ASTN2: variants seen among roughly 807,000 people sequenced by gnomAD.
ASTN2 encodes the protein astrotactin 2.
In ASTN2, 54 loss-of-function variants were observed where a neutral mutation model predicts 139.8. That is an observed-to-expected ratio of 0.39 (90% CI 0.31 to 0.48). The LOEUF is 0.48. Ranked by LOEUF, ASTN2 falls within the 20% of genes least tolerant of loss-of-function variation. The pLI is 0.95. For missense variants in ASTN2, 1,565 were observed against 1,725.1 expected, an observed-to-expected ratio of 0.91 and a Z score of 1.64; for synonymous variants, 756 against 719.5, an observed-to-expected ratio of 1.05 and a Z score of -0.81.
At chr9:116,941,989 TA>T (rs34288493) in intron 10 of ASTN2, among the ~76,000 whole-genome samples, 33,818 of 135,932 alleles carry the variant, frequency 0.25, 4,060 homozygotes, top group African/African-American at 0.32. Flanking sequence ...CTAGATAAGC[TA>T]AAAAAAAAAA....
intron 19 of ASTN2, among the ~76,000 whole-genome samples, chr9:116,604,507 C>G (rs1002617566): frequency 2.6e-5 from 4 of 152,182 alleles, no homozygotes; most frequent in Non-Finnish European, 5.9e-5. Context: ...ATGACATCAC[C>G]TCTCTCAGGC....
At chr9:117,053,347 G>C (rs1838967949) in intron 5 of ASTN2, among the ~76,000 whole-genome samples, 1 of 152,176 alleles carries the variant, frequency 6.6e-6, no homozygotes, top group Admixed American at 6.5e-5. Context: ...AGGTACTCAA[G>C]AGGCTGAGGT....
rs531368279 is a variant in ASTN2, at chr9:116,553,196, C to A, written c.3355+65128G>T. ...AGATTCTGTGGACCTGCAGACGTGC[C>A]AGGGAAGAAGCCAGAAAGTCTACCT... On this transcript the variant is annotated intron_variant, in intron 19 of 22. Transcript: ENST00000313400. Among the ~76,000 whole-genome samples the A allele has an allele frequency of 2.2e-4, 33 of 152,050 alleles. No homozygotes were observed. The South Asian group carries it at 6.7e-3, about 31-fold the overall frequency.
intron 17 of ASTN2, among the ~76,000 whole-genome samples, chr9:116,643,858 C>A (rs559470378): frequency 2.0e-5 from 3 of 152,220 alleles, no homozygotes; most frequent in African/African-American, 7.2e-5. Context: ...ATGTCTATTG[C>A]ACTATTCAAA....
intron 6 of ASTN2, among the ~76,000 whole-genome samples, chr9:117,037,010 T>C (rs1838402122): frequency 6.6e-6 from 1 of 152,178 alleles, no homozygotes; most frequent in Non-Finnish European, 1.5e-5. Flanking sequence ...CTTAGAGATC[T>C]ACCAGAAGGA....
intron 4 of ASTN2, among the ~76,000 whole-genome samples, chr9:117,122,943 CA>C (rs1829595261): frequency 6.6e-6 from 1 of 152,052 alleles, no homozygotes; most frequent in East Asian, 1.9e-4. Flanking sequence ...AGAATAGCAC[CA>C]ACACACACAG....
chr9:116,902,451 A>G (rs375470953), intron 10 of ASTN2, among the ~76,000 whole-genome samples: 85 of 152,342 alleles, frequency 5.6e-4, no homozygotes, highest in Middle Eastern at 6.8e-3. Context: ...AGTAAAAAAT[A>G]TACCATATTT....
intron 12 of ASTN2, among the ~76,000 whole-genome samples, chr9:116,816,920 T>TAAAC (rs953197430): frequency 1.1e-4 from 16 of 151,798 alleles, no homozygotes; most frequent in African/African-American, 3.9e-4. Flanking sequence ...AATAAATAAA[T>TAAAC]AGACGAGGGA....
intron 20 of ASTN2, among the ~76,000 whole-genome samples, chr9:116,462,554 A>G (rs1848519529): frequency 6.6e-6 from 1 of 152,192 alleles, no homozygotes; most frequent in Non-Finnish European, 1.5e-5. Flanking sequence ...CACCAGGATT[A>G]TACTGTGGAA....
intron 4 of ASTN2, among the ~76,000 whole-genome samples, chr9:117,139,097 G>A (rs1830015916): frequency 6.6e-6 from 1 of 152,190 alleles, no homozygotes; most frequent in Non-Finnish European, 1.5e-5. Context: ...TATGGAATAT[G>A]TATGTGTGGA....
In ASTN2 at chr9:117,057,081, T is replaced by A. The variant is rs547608839; in HGVS notation, c.1277-17116A>T. Among the ~76,000 whole-genome samples, 11 of 152,338 alleles carry A rather than the reference T, an allele frequency of 7.2e-5. No homozygotes were observed. The East Asian group carries it at 2.1e-3, about 29-fold the overall frequency. On this transcript the variant is annotated intron_variant, in intron 5 of 22. Coordinates refer to ENST00000313400, the MANE Select transcript of ASTN2 (RefSeq NM_001365068.1). ...CTTTTTGTTGGAACAGTTACTTAAT[T>A]TCTTTATGCATGTAAAGCCTTTTAG...
Position 116,802,758 on chromosome 9 carries a change from T to C in ASTN2, c.2396+2874A>G, listed in dbSNP as rs572349059. ...CCATTTTAAAGATGAAGCAGTAGAA[T>C]TATGCTTCTCATGGGTGGGGCTGGG... is the stretch of plus-strand genomic sequence containing the variant. On this transcript the variant is annotated intron_variant, in intron 13 of 22. Transcript: ENST00000313400. Among the ~76,000 whole-genome samples the C allele has an allele frequency of 1.7e-3, 254 of 152,344 alleles. 10 individuals carry two copies. The South Asian group carries it at 0.048, about 29-fold the overall frequency.
At chr9:116,481,453 T>TA (rs778675294) in intron 20 of ASTN2, among the ~76,000 whole-genome samples, 4 of 152,152 alleles carry the variant, frequency 2.6e-5, no homozygotes, top group Non-Finnish European at 5.9e-5. Context: ...ACACAGTGGG[T>TA]AAAAACCCAC....
chr9:116,500,622 T>C (rs1318478504), intron 19 of ASTN2, among the ~76,000 whole-genome samples: 2 of 152,236 alleles, frequency 1.3e-5, no homozygotes, highest in Non-Finnish European at 2.9e-5. Flanking sequence ...ACAGACAATA[T>C]TGTGCTCAGC....
intron 2 of ASTN2, among the ~76,000 whole-genome samples, chr9:117,254,120 T>A (rs1449117734): frequency 6.6e-6 from 1 of 152,136 alleles, no homozygotes; most frequent in Non-Finnish European, 1.5e-5. Flanking sequence ...ACTCCAACTA[T>A]GCGAGCCTCA....
At chr9:116,726,453 C>T (rs1828626811) in intron 15 of ASTN2, among the ~76,000 whole-genome samples, 2 of 152,196 alleles carry the variant, frequency 1.3e-5, no homozygotes, top group South Asian at 4.1e-4. Context: ...CTCAAACCCA[C>T]TTATGTTCTC....
chr9:116,544,368 A>G (rs1007247987), intron 19 of ASTN2, among the ~76,000 whole-genome samples: 9 of 152,152 alleles, frequency 5.9e-5, no homozygotes, highest in Non-Finnish European at 1.2e-4. Context: ...ACCTCACCAA[A>G]AAAAGATGTT....
chr9:117,220,444 T>C (rs1832477244), intron 2 of ASTN2, among the ~76,000 whole-genome samples: 1 of 152,152 alleles, frequency 6.6e-6, no homozygotes, highest in Non-Finnish European at 1.5e-5. Context: ...TCTCAGAAGG[T>C]GACTTCAGTT....
At chr9:116,697,482 T>G in intron 16 of ASTN2, 1 of 479,034 alleles carries the variant, frequency 2.1e-6, no homozygotes, top group Non-Finnish European at 3.8e-6. Flanking sequence ...CTATGCAGTG[T>G]TTTGTCTGGT....
Sources: allele counts gnomAD v4.1 joint callset (sites outside exome capture counted in the v4.1 genomes callset), GRCh38; gene constraint gnomAD v4.1.1; transcripts MANE v1.5; gene names NCBI Gene and HGNC (gene_info 2026-07-23, HGNC 2026-07-21).